SYT16: variants seen among roughly 807,000 people sequenced by gnomAD.
SYT16 encodes the protein synaptotagmin-16.
SYT16 carries 42 observed loss-of-function variants against 61.4 expected under a neutral mutation model. That is an observed-to-expected ratio of 0.68 (90% CI 0.53 to 0.89). The LOEUF is 0.89. Ranked by LOEUF, SYT16 falls within the 40% of genes least tolerant of loss-of-function variation. The probability of loss-of-function intolerance (pLI) is 0.00; values close to 1 mark genes in which losing one functional copy is unlikely to be tolerated. For synonymous variants in SYT16, 314 were observed against 302.3 expected (o/e 1.04, Z -0.40); for missense variants, 804 against 807.3 (o/e 1.00, Z 0.05).
At chr14:62,066,516 C>T (rs1250132126) in intron 3 of SYT16, among the ~76,000 whole-genome samples, 1 of 152,188 alleles carries the variant, frequency 6.6e-6, no homozygotes, top group Admixed American at 6.5e-5. Flanking sequence ...AATGTCAGCT[C>T]TTAGACAAGC....
At chr14:61,925,339 T>C (rs888896351) in intron 1 of SYT16, among the ~76,000 whole-genome samples, 1 of 152,330 alleles carries the variant, frequency 6.6e-6, no homozygotes, top group Non-Finnish European at 1.5e-5. Flanking sequence ...AAGGAATTCC[T>C]GTGGCCAGTT....
intron 1 of SYT16, among the ~76,000 whole-genome samples, chr14:61,863,814 A>AT (rs61449328): frequency 0.052 from 7,665 of 148,304 alleles, 427 homozygotes; most frequent in African/African-American, 0.14. Context: ...GTCTAGATTC[A>AT]TTTTTTTTTT....
At position 61,836,705 on chromosome 14, in the gene SYT16, A is replaced by G. The variant is rs74057513; in HGVS notation, c.-325+23895A>G. On this transcript the variant is annotated intron_variant, in intron 1 of 7. Coordinates refer to ENST00000683842, the MANE Select transcript of SYT16 (RefSeq NM_001367656.1). ...ACCTTAAGAGAAAAGAGTCTCAACT[A>G]TAGAGTTACATGGCAGCTTACAGAA... Among the ~76,000 whole-genome samples, 810 of 152,324 alleles carry G rather than the reference A, an allele frequency of 5.3e-3. 5 individuals are homozygous for G. The highest frequency in any genetic ancestry group is 0.018 in the African/African-American group (767 of 41,558).
Position 62,102,103 on chromosome 14 carries a change from T to C in SYT16, c.*1396T>C, listed in dbSNP as rs967010724. 1 of 152,242 alleles carries C rather than the reference T, an allele frequency of 6.6e-6. No homozygotes were observed. Among genetic ancestry groups the C allele is most frequent in the African/African-American group, 2.4e-5 (1 of 41,470 alleles). 9.4% of individuals were successfully genotyped at this position (152,242 alleles called of 1,614,324 possible). A position where few individuals can be genotyped will look rare whatever the true frequency, so the allele number is the denominator to read the frequency against. ...ATTGCTCAGTCACCTATTTTTAGTT[T>C]CTATGTTTCATTGTGGACTTTTTCC... On this transcript the variant is annotated 3_prime_UTR_variant, in exon 8 of 8. Coordinates refer to ENST00000683842, the MANE Select transcript of SYT16 (RefSeq NM_001367656.1).
intron 1 of SYT16, among the ~76,000 whole-genome samples, chr14:61,956,701 A>G (rs903501618): frequency 1.3e-5 from 2 of 152,008 alleles, no homozygotes; most frequent in African/African-American, 2.4e-5. Context: ...TTTGATGACT[A>G]TAGCTTTGCA....
At chr14:61,997,566 T>C (rs903556967) in intron 3 of SYT16, among the ~76,000 whole-genome samples, 12 of 152,116 alleles carry the variant, frequency 7.9e-5, no homozygotes, top group Admixed American at 5.2e-4. Context: ...GCTCTCTTGA[T>C]ACTTTTATTC....
chr14:61,874,815 A>G (rs2047437230), intron 1 of SYT16, among the ~76,000 whole-genome samples: 1 of 151,352 alleles, frequency 6.6e-6, no homozygotes, highest in Non-Finnish European at 1.5e-5. Context: ...CACATAAGAA[A>G]TTTTCCATTT....
intron 1 of SYT16, among the ~76,000 whole-genome samples, chr14:61,920,052 C>T (rs1299266503): frequency 6.6e-6 from 1 of 152,174 alleles, no homozygotes; most frequent in Non-Finnish European, 1.5e-5. Flanking sequence ...TCTGCATGCT[C>T]CAGGCCCCCC....
intron 1 of SYT16, among the ~76,000 whole-genome samples, chr14:61,938,826 T>C (rs2050092561): frequency 6.6e-6 from 1 of 152,144 alleles, no homozygotes. Flanking sequence ...TGGTAATTCC[T>C]AAAGGATATA....
intron 1 of SYT16, among the ~76,000 whole-genome samples, chr14:61,940,568 G>C (rs1323768478): frequency 6.6e-6 from 1 of 152,138 alleles, no homozygotes; most frequent in East Asian, 1.9e-4. Flanking sequence ...TTTCTCATCT[G>C]TTAAGTGATA....
At chr14:61,858,411 G>T (rs1400064093) in intron 1 of SYT16, among the ~76,000 whole-genome samples, 1 of 152,142 alleles carries the variant, frequency 6.6e-6, no homozygotes, top group Non-Finnish European at 1.5e-5. Context: ...TGAACATTCA[G>T]TTCTTCCCAC....
chr14:61,959,547 C>G (rs952952585), intron 1 of SYT16, among the ~76,000 whole-genome samples: 3 of 152,124 alleles, frequency 2.0e-5, no homozygotes, highest in Admixed American at 2.0e-4. Flanking sequence ...CTTTGTGCAA[C>G]TGACGTCATA....
intron 3 of SYT16, among the ~76,000 whole-genome samples, chr14:62,028,760 T>C (rs2054196503): frequency 6.6e-6 from 1 of 152,118 alleles, no homozygotes; most frequent in Non-Finnish European, 1.5e-5. Flanking sequence ...AAATAAATAC[T>C]CTTTTTTTAA....
chr14:61,886,409 T>G (rs1286421896), intron 1 of SYT16, among the ~76,000 whole-genome samples: 1 of 152,236 alleles, frequency 6.6e-6, no homozygotes, highest in African/African-American at 2.4e-5. Flanking sequence ...CTAGAGTCAA[T>G]CCTCTCGAAC....
intron 1 of SYT16, among the ~76,000 whole-genome samples, chr14:61,906,157 G>A (rs1170746192): frequency 1.3e-5 from 2 of 152,218 alleles, no homozygotes; most frequent in African/African-American, 4.8e-5. Context: ...AAAACAGTAG[G>A]TTTTGATAGG....
chr14:61,990,838 T>C (rs2052519034), intron 2 of SYT16, among the ~76,000 whole-genome samples: 1 of 152,164 alleles, frequency 6.6e-6, no homozygotes, highest in South Asian at 2.1e-4. Flanking sequence ...CACAGTTAGC[T>C]TTGGTGAGAA....
chr14:61,871,383 A>ATGTCTCT (rs1342657223), intron 1 of SYT16, among the ~76,000 whole-genome samples: 3 of 152,070 alleles, frequency 2.0e-5, no homozygotes, highest in Non-Finnish European at 4.4e-5. Flanking sequence ...CTGTCTGTGA[A>ATGTCTCT]TGTCTCTTCT....
chr14:61,852,301 G>A (rs140023288), intron 1 of SYT16, among the ~76,000 whole-genome samples: 22,385 of 152,000 alleles, frequency 0.15, 1,728 homozygotes, highest in African/African-American at 0.21. Context: ...TACCAGTACT[G>A]TGCTGTTTTG....
chr14:61,984,495 C>G (rs2052220287), intron 2 of SYT16, among the ~76,000 whole-genome samples: 1 of 152,110 alleles, frequency 6.6e-6, no homozygotes. Flanking sequence ...TATTAAAATT[C>G]TTTTTGGAAT....
Sources: allele counts gnomAD v4.1 joint callset (sites outside exome capture counted in the v4.1 genomes callset), GRCh38; gene constraint gnomAD v4.1.1; transcripts MANE v1.5; gene names NCBI Gene and HGNC (gene_info 2026-07-23, HGNC 2026-07-21).